URI1: variants seen among roughly 807,000 people sequenced by gnomAD.
URI1 encodes the protein URI1 prefoldin like chaperone.
A neutral mutation model predicts 60.2 loss-of-function variants in URI1; 39 were observed. The ratio of observed to expected loss-of-function variants is 0.65; its 90% CI spans 0.50 to 0.85. The LOEUF is 0.85. Among genes scored for constraint, URI1 ranks in the 40% least tolerant of loss-of-function variants. The pLI is 0.00. For synonymous variants in URI1, 251 were observed against 236.8 expected (o/e 1.06, Z -0.55); for missense variants, 691 against 665.9 (o/e 1.04, Z -0.42).
At chr19:30,012,637 C>T in intron 10 of URI1, 106 bp downstream of exon 10, 1 of 1,366,812 alleles carries the variant, frequency 7.3e-7, no homozygotes, top group Non-Finnish European at 9.8e-7. Context: ...AGGTTTTATA[C>T]TTTCTTGGTA....
chr19:30,009,889 C>G (rs1416709832), intron 8 of URI1, among the ~76,000 whole-genome samples: 1 of 152,082 alleles, frequency 6.6e-6, no homozygotes, highest in East Asian at 1.9e-4. Context: ...CTGGGGGTGA[C>G]TGGAGATTTT....
chr19:29,945,912 G>A (rs901546549), intron 1 of URI1, among the ~76,000 whole-genome samples: 3 of 151,322 alleles, frequency 2.0e-5, no homozygotes, highest in Admixed American at 6.6e-5. Context: ...TAATTTTAAC[G>A]AAAATTGGAA....
intron 4 of URI1, among the ~76,000 whole-genome samples, chr19:29,992,633 T>C (rs2055760889): frequency 1.3e-5 from 2 of 152,254 alleles, no homozygotes; most frequent in Non-Finnish European, 2.9e-5. Context: ...TAGGGATTAA[T>C]GTATTTCACG....
At chr19:29,971,884 C>A (rs2055465213) in intron 2 of URI1, among the ~76,000 whole-genome samples, 1 of 151,932 alleles carries the variant, frequency 6.6e-6, no homozygotes, top group Non-Finnish European at 1.5e-5. Context: ...ACAATATATC[C>A]ATGCTGTGCT....
intron 1 of URI1, among the ~76,000 whole-genome samples, chr19:29,952,682 T>C (rs936185944): frequency 2.0e-5 from 3 of 152,232 alleles, no homozygotes; most frequent in Non-Finnish European, 4.4e-5. Flanking sequence ...TCTTTTATTC[T>C]AGCAATCTTG....
At chr19:29,963,916 T>A (rs2055357118) in intron 1 of URI1, among the ~76,000 whole-genome samples, 1 of 152,236 alleles carries the variant, frequency 6.6e-6, no homozygotes, top group Non-Finnish European at 1.5e-5. Context: ...TTTTGTTTGA[T>A]CCTGAGCTCT....
intron 1 of URI1, among the ~76,000 whole-genome samples, chr19:29,927,737 C>T (rs1339953249): frequency 1.3e-5 from 2 of 151,706 alleles, no homozygotes; most frequent in Admixed American, 6.6e-5. Context: ...CCATCATGCC[C>T]AGCTAATTTT....
chr19:29,946,924 C>T (rs2055109723), intron 1 of URI1, among the ~76,000 whole-genome samples: 1 of 152,158 alleles, frequency 6.6e-6, no homozygotes, highest in South Asian at 2.1e-4. Flanking sequence ...GTTACATAGC[C>T]TTACCTTGGG....
intron 1 of URI1, among the ~76,000 whole-genome samples, chr19:29,948,956 C>T (rs1283324336): frequency 8.0e-5 from 12 of 149,258 alleles, no homozygotes; most frequent in African/African-American, 1.5e-4. Context: ...GGACCGCGGC[C>T]GGGCGGAGGC....
intron 1 of URI1, among the ~76,000 whole-genome samples, chr19:29,952,908 A>G (rs2085314650): frequency 6.6e-6 from 1 of 152,114 alleles, no homozygotes; most frequent in African/African-American, 2.4e-5. Flanking sequence ...ATGACTATAC[A>G]TTTTGTTGCT....
At position 29,944,171 on chromosome 19, in the gene URI1, AT is replaced by A. The variant is rs2055071967; in HGVS notation, c.117+1508del. 3.9e-5 allele frequency among the ~76,000 whole-genome samples: 3 copies of A among 77,426 alleles called. 1 individual carries two copies. The highest frequency in any genetic ancestry group is 2.0e-4 in the African/African-American group (3 of 15,252). 50.8% of individuals were successfully genotyped at this position (77,426 alleles called of 152,430 possible). A position where few individuals can be genotyped will look rare whatever the true frequency, so the allele number is the denominator to read the frequency against. On this transcript the variant is annotated intron_variant, in intron 1 of 10. Coordinates refer to ENST00000392271, the MANE Select transcript of URI1 (RefSeq NM_003796.3). ...TATATATATATATATATATATATAT[AT>A]ATATATATATATATATATATAAAAC...
chr19:30,005,391 A>C lies in URI1; in HGVS notation c.398A>C (p.Lys133Thr), dbSNP rs747390009. The change falls in exon 5 of 11, where the codon AAA (lysine) becomes ACA (threonine). Residue 133 changes from lysine (K) to threonine (T), a missense_variant. Physicochemically the swap from Lys to Thr is moderately conservative, Grantham distance 78. Coordinates refer to ENST00000392271, the MANE Select transcript of URI1 (RefSeq NM_003796.3). ...AGAAAAACAATAGATGACTTAAAAA[A>C]AGTGATGAAAAATTTTGAATCCAGA... is the stretch of plus-strand genomic sequence containing the variant. ...HVRKTIDDLK[K>T]VMKNFESRVE... 2 of 1,602,946 alleles carry C rather than the reference A, an allele frequency of 1.2e-6. No individual in the cohort carries two copies. The highest frequency in any genetic ancestry group is 1.7e-5 in the Admixed American group (1 of 57,814).
intron 1 of URI1, among the ~76,000 whole-genome samples, chr19:29,953,079 G>C (rs570343242): frequency 6.6e-6 from 1 of 152,172 alleles, no homozygotes; most frequent in African/African-American, 2.4e-5. Flanking sequence ...TGTTGATTTT[G>C]AGAAAATTCA....
intron 1 of URI1, among the ~76,000 whole-genome samples, chr19:29,928,174 A>G (rs2054886500): frequency 1.3e-5 from 2 of 152,066 alleles, no homozygotes; most frequent in African/African-American, 4.8e-5. Context: ...CCTCTGAATG[A>G]GAGCTGCCCG....
rs777695537 is a variant in URI1, at chr19:29,942,524, C to T, written c.-24C>T. The T allele has an allele frequency of 4.2e-5, 57 of 1,360,864 alleles. No individual in the cohort carries two copies. In the Middle Eastern group the frequency reaches 8.2e-4, roughly 20 times the overall value. 84.3% of individuals were successfully genotyped at this position (1,360,864 alleles called of 1,614,324 possible). A position where few individuals can be genotyped will look rare whatever the true frequency, so the allele number is the denominator to read the frequency against. ...AGGCGCTGGTTCAGGACTCACACGC[C>T]GCGCTGAGGCCCGCGGGCCCGTCAT... On this transcript the variant is annotated 5_prime_UTR_variant, in exon 1 of 11. Transcript: ENST00000392271.
intron 1 of URI1, among the ~76,000 whole-genome samples, chr19:29,968,421 T>C (rs970244750): frequency 1.3e-5 from 2 of 152,088 alleles, no homozygotes; most frequent in Non-Finnish European, 2.9e-5. Flanking sequence ...ATGGTTACTT[T>C]TAAAATTTAA....
chr19:29,932,941 C>CTA (rs2054935501), intron 1 of URI1, among the ~76,000 whole-genome samples: 1 of 152,204 alleles, frequency 6.6e-6, no homozygotes, highest in African/African-American at 2.4e-5. Flanking sequence ...GTGTGAGCCA[C>CTA]CACACCCGGA....
At chr19:29,967,195 A>G (rs1299968193) in intron 1 of URI1, among the ~76,000 whole-genome samples, 1 of 152,242 alleles carries the variant, frequency 6.6e-6, no homozygotes, top group East Asian at 1.9e-4. Context: ...CCTGTCTTCC[A>G]TATAATGTGT....
At chr19:29,950,637 A>G (rs2055168450) in intron 1 of URI1, among the ~76,000 whole-genome samples, 1 of 152,144 alleles carries the variant, frequency 6.6e-6, no homozygotes, top group Non-Finnish European at 1.5e-5. Flanking sequence ...ATACTGAAGC[A>G]CTTATCATTT....
Sources: gnomAD v4.1 joint callset for allele counts (sites outside exome capture counted in the v4.1 genomes callset) on GRCh38, gnomAD v4.1.1 for gene constraint, MANE v1.5 for transcripts, NCBI Gene and HGNC (gene_info 2026-07-23, HGNC 2026-07-21) for gene names.